Variants in LYPLAL1 observed in about 807,000 individuals in gnomAD.
LYPLAL1 encodes the protein lysophospholipase like 1.
In LYPLAL1, 23 loss-of-function variants were observed where a neutral mutation model predicts 19.7. That is an observed-to-expected ratio of 1.17 (90% CI 0.84 to 1.65). LYPLAL1 has a LOEUF of 1.65. Among genes scored for constraint, LYPLAL1 ranks in the 40% most tolerant of loss-of-function variants. The probability of loss-of-function intolerance (pLI) is 0.00; values close to 1 mark genes in which losing one functional copy is unlikely to be tolerated. For missense variants in LYPLAL1, 355 were observed against 279.4 expected (o/e 1.27, Z -1.93); for synonymous variants, 119 against 96.3 (o/e 1.24, Z -1.38).
chr1:219,229,313 G>C, the LYPLAL1 span, among the ~76,000 whole-genome samples: 4 of 143,536 alleles, frequency 2.8e-5, no homozygotes, highest in Admixed American at 6.8e-5. Flanking sequence ...GAGAGAGAGA[G>C]AGAGAGAGAG....
At chr1:219,248,476 C>G in the LYPLAL1 span, among the ~76,000 whole-genome samples, 3 of 152,138 alleles carry the variant, frequency 2.0e-5, no homozygotes, top group South Asian at 2.1e-4. Context: ...GTTCTCTCCT[C>G]TCCTATCTGA....
chr1:219,251,715 G>A, the LYPLAL1 span, among the ~76,000 whole-genome samples: 1 of 152,044 alleles, frequency 6.6e-6, no homozygotes, highest in Non-Finnish European at 1.5e-5. Flanking sequence ...ATAATGTGAT[G>A]CCTCCAGCTT....
At chr1:219,292,083 T>C in the LYPLAL1 span, among the ~76,000 whole-genome samples, 1 of 152,112 alleles carries the variant, frequency 6.6e-6, no homozygotes, top group Non-Finnish European at 1.5e-5. Context: ...ACACGTGGGC[T>C]CCTCACCCGT....
chr1:219,309,451 G>T, the LYPLAL1 span, among the ~76,000 whole-genome samples: 1 of 152,152 alleles, frequency 6.6e-6, no homozygotes, highest in Non-Finnish European at 1.5e-5. Flanking sequence ...ATTTGGTGGG[G>T]CTGGGGCTGA....
the LYPLAL1 span, among the ~76,000 whole-genome samples, chr1:219,405,494 G>C: frequency 6.6e-6 from 1 of 152,186 alleles, no homozygotes; most frequent in African/African-American, 2.4e-5. Context: ...GAGGATACAT[G>C]AGCATATTAT....
At chr1:219,310,485 C>T in the LYPLAL1 span, among the ~76,000 whole-genome samples, 1 of 152,142 alleles carries the variant, frequency 6.6e-6, no homozygotes, top group African/African-American at 2.4e-5. Context: ...CAGGAACAAA[C>T]AGATCAAAAG....
At chr1:219,352,516 C>CAAATAAATAAATAAATAAAT in the LYPLAL1 span, among the ~76,000 whole-genome samples, 1 of 150,678 alleles carries the variant, frequency 6.6e-6, no homozygotes, top group South Asian at 2.1e-4. Flanking sequence ...GACTCCGTCT[C>CAAATAAATAAATAAATAAAT]AAATAAATAA....
At chr1:219,319,504 C>T in the LYPLAL1 span, among the ~76,000 whole-genome samples, 2 of 152,104 alleles carry the variant, frequency 1.3e-5, no homozygotes, top group African/African-American at 4.8e-5. Context: ...ACCTATGCTG[C>T]GAAGGGCCAA....
the LYPLAL1 span, among the ~76,000 whole-genome samples, chr1:219,239,504 A>G: frequency 4.6e-5 from 7 of 152,372 alleles, no homozygotes; most frequent in South Asian, 1.2e-3. Context: ...TGGAAGAAGC[A>G]CTATCGGGAT....
chr1:219,280,373 T>A, the LYPLAL1 span, among the ~76,000 whole-genome samples: 1 of 152,210 alleles, frequency 6.6e-6, no homozygotes, highest in Non-Finnish European at 1.5e-5. Context: ...ATTCCTAATA[T>A]CTTTATGACA....
the LYPLAL1 span, among the ~76,000 whole-genome samples, chr1:219,231,817 A>G: frequency 6.6e-6 from 1 of 151,898 alleles, no homozygotes; most frequent in Non-Finnish European, 1.5e-5. Flanking sequence ...TCTATAGACA[A>G]CTCTATATAT....
chr1:219,315,359 T>C, the LYPLAL1 span, among the ~76,000 whole-genome samples: 1 of 152,134 alleles, frequency 6.6e-6, no homozygotes, highest in East Asian at 1.9e-4. Context: ...AAGCTGTACT[T>C]GAGTCAATCT....
chr1:219,240,796 A>G, the LYPLAL1 span, among the ~76,000 whole-genome samples: 1 of 152,020 alleles, frequency 6.6e-6, no homozygotes, highest in Non-Finnish European at 1.5e-5. Flanking sequence ...GAGACTGCCT[A>G]AATTTTCCAA....
At chr1:219,343,302 AAC>A in the LYPLAL1 span, among the ~76,000 whole-genome samples, 2 of 152,212 alleles carry the variant, frequency 1.3e-5, no homozygotes, top group Non-Finnish European at 2.9e-5. Context: ...AGAGCACAGA[AAC>A]ATGTCAAAGA....
At chr1:219,198,695 G>A (rs1475362704) in intron 3 of LYPLAL1, 2 of 151,940 alleles carry the variant, frequency 1.3e-5, no homozygotes, top group African/African-American at 4.8e-5. Context: ...TTTTCATTCT[G>A]ATGTATAAGT....
chr1:219,260,339 C>G, the LYPLAL1 span, among the ~76,000 whole-genome samples: 5 of 151,314 alleles, frequency 3.3e-5, no homozygotes, highest in East Asian at 9.7e-4. Flanking sequence ...AAGGCAAATA[C>G]GAAGAGAAAC....
At chr1:219,414,997 C>T in the LYPLAL1 span, among the ~76,000 whole-genome samples, 1 of 152,154 alleles carries the variant, frequency 6.6e-6, no homozygotes. Context: ...CAGCAAGGCA[C>T]ATTATTACAA....
chr1:219,221,814 G>C, the LYPLAL1 span, among the ~76,000 whole-genome samples: 8 of 152,118 alleles, frequency 5.3e-5, no homozygotes, highest in Admixed American at 2.6e-4. Context: ...ATCCCTTTTG[G>C]TACTTGCAAG....
At chr1:219,440,846 T>C in the LYPLAL1 span, among the ~76,000 whole-genome samples, 11 of 152,210 alleles carry the variant, frequency 7.2e-5, no homozygotes, top group African/African-American at 2.7e-4. Context: ...CCTAATGATA[T>C]AGTGTATCTA....
Sources: gnomAD v4.1 joint callset for allele counts (sites outside exome capture counted in the v4.1 genomes callset) on GRCh38, gnomAD v4.1.1 for gene constraint, MANE v1.5 for transcripts, NCBI Gene and HGNC (gene_info 2026-07-23, HGNC 2026-07-21) for gene names.